LMCD1: variants seen among roughly 807,000 people sequenced by gnomAD.
LMCD1 encodes LIM and cysteine-rich domains protein 1.
Under a neutral mutation model 42.7 loss-of-function variants are expected in LMCD1, and 32 were observed. The observed-to-expected ratio is 0.75, with a 90% confidence interval of 0.57 to 1.01. The LOEUF (loss-of-function observed/expected upper bound fraction) is 1.01, where lower values mean the gene tolerates loss of function less well. Ranked by LOEUF, LMCD1 falls within the 50% of genes least tolerant of loss-of-function variation. The pLI, the probability that LMCD1 is intolerant of heterozygous loss-of-function variation, is 0.00. For synonymous variants in LMCD1, 178 were observed against 184.9 expected, an observed-to-expected ratio of 0.96 and a Z score of 0.30; for missense variants, 458 against 483.1, an observed-to-expected ratio of 0.95 and a Z score of 0.49.
chr3:8,522,096 T>C (rs1302808576), intron 1 of LMCD1, among the ~76,000 whole-genome samples: 5 of 152,090 alleles, frequency 3.3e-5, no homozygotes, highest in African/African-American at 7.2e-5. Flanking sequence ...CAGAGATGGG[T>C]TGGGGGGAGG....
chr3:8,562,163 G>T (rs376623419), intron 4 of LMCD1, among the ~76,000 whole-genome samples: 7 of 152,246 alleles, frequency 4.6e-5, no homozygotes, highest in African/African-American at 1.4e-4. Context: ...ATGAGTTGAG[G>T]TCCACCTTGT....
intron 3 of LMCD1, among the ~76,000 whole-genome samples, chr3:8,545,984 G>A (rs116721370): frequency 0.061 from 9,280 of 152,168 alleles, 368 homozygotes; most frequent in South Asian, 0.19. Context: ...AAAATTAGCC[G>A]GGTGTAATGG....
At chr3:8,565,930 G>A in intron 5 of LMCD1, among the ~76,000 whole-genome samples, 1 of 152,202 alleles carries the variant, frequency 6.6e-6, no homozygotes, top group African/African-American at 2.4e-5. Context: ...GATGAACCAG[G>A]AGGCATTGCC....
intron 1 of LMCD1, among the ~76,000 whole-genome samples, chr3:8,516,698 C>T (rs1226410265): frequency 6.6e-6 from 1 of 152,150 alleles, no homozygotes; most frequent in Admixed American, 6.5e-5. Context: ...TAGGTCTATT[C>T]AAAGTTTTGC....
At position 8,571,508 on chromosome 3, in the gene LMCD1, T is replaced by G. The variant is rs1695219186; in HGVS notation, c.*3910T>G. On this transcript the variant is annotated 3_prime_UTR_variant, in exon 6 of 6. Coordinates refer to ENST00000157600, the MANE Select transcript of LMCD1 (RefSeq NM_014583.4). ...AGTGGGTGGAGAGGGTGAGTTCCTGTCAGGGAGACTTGTCAGTCTGAGCAG... is the reference window on the plus strand; with the variant it reads ...AGTGGGTGGAGAGGGTGAGTTCCTGGCAGGGAGACTTGTCAGTCTGAGCAG... 1 of 152,210 alleles carries G rather than the reference T, an allele frequency of 6.6e-6. No homozygotes were observed. Among genetic ancestry groups the G allele is most frequent in the Admixed American group, 6.5e-5 (1 of 15,280 alleles). The allele number at this position is 152,210 out of a possible 1,614,324, so 9.4% of individuals were successfully genotyped here.
intron 4 of LMCD1, among the ~76,000 whole-genome samples, chr3:8,549,195 G>C (rs1390071568): frequency 6.6e-6 from 1 of 152,190 alleles, no homozygotes; most frequent in Non-Finnish European, 1.5e-5. Flanking sequence ...GCTTCAAGAA[G>C]TTGGTGAGGT....
Position 8,570,476 on chromosome 3 carries a change from C to G in LMCD1, c.*2878C>G, listed in dbSNP as rs1695195770. The G allele has an allele frequency of 6.6e-6, 1 of 152,462 alleles. No homozygotes were observed. Among genetic ancestry groups the G allele is most frequent in the South Asian group, 2.1e-4 (1 of 4,818 alleles). 9.4% of individuals were successfully genotyped at this position (152,462 alleles called of 1,614,324 possible). On this transcript the variant is annotated 3_prime_UTR_variant, in exon 6 of 6. Transcript: ENST00000157600. ...CCATGGGGCACCACCCAGCACCTGCCCCTGCCTTTCTCATGTCTATTAATG... is the reference window on the plus strand; with the variant it reads ...CCATGGGGCACCACCCAGCACCTGCGCCTGCCTTTCTCATGTCTATTAATG...
Position 8,565,572 on chromosome 3 carries a change from CTGGAA to C in LMCD1, c.865_869del (p.Trp289GlyfsTer23). 1 of 1,613,932 alleles carries C rather than the reference CTGGAA, an allele frequency of 6.2e-7. No individual in the cohort carries two copies. The highest frequency in any genetic ancestry group is 8.5e-7 in the Non-Finnish European group (1 of 1,179,954). ...AGCCGCTGGTGGACCTCATCTACTT[CTGGAA>C]GGATGGTGCACCCTGGTGCGGCCGC... On this transcript the variant is annotated frameshift_variant, in exon 5 of 6. Transcript: ENST00000157600. LOFTEE classifies it high-confidence loss of function.
At chr3:8,543,440 T>TAGATAGACAGAC (rs1414608408) in intron 3 of LMCD1, among the ~76,000 whole-genome samples, 63 of 134,250 alleles carry the variant, frequency 4.7e-4, no homozygotes, top group Middle Eastern at 7.8e-3. Flanking sequence ...GATAGATAGA[T>TAGATAGACAGAC]AGACAGACAG....
intron 4 of LMCD1, among the ~76,000 whole-genome samples, chr3:8,559,125 G>A (rs1024422292): frequency 4.6e-5 from 7 of 152,094 alleles, no homozygotes; most frequent in East Asian, 1.9e-4. Context: ...AAACTCACAC[G>A]ACTCGATTCT....
chr3:8,539,015 C>T (rs1694566152), intron 3 of LMCD1, among the ~76,000 whole-genome samples: 1 of 152,210 alleles, frequency 6.6e-6, no homozygotes, highest in Non-Finnish European at 1.5e-5. Flanking sequence ...AGCAATTTGA[C>T]ATGCAACTGT....
At chr3:8,525,136 C>T (rs1250516578) in intron 1 of LMCD1, among the ~76,000 whole-genome samples, 1 of 152,204 alleles carries the variant, frequency 6.6e-6, no homozygotes, top group African/African-American at 2.4e-5. Flanking sequence ...ATTAGATCTC[C>T]AGAACTTACT....
intron 1 of LMCD1, among the ~76,000 whole-genome samples, chr3:8,503,856 A>G (rs1693820231): frequency 6.6e-6 from 1 of 152,248 alleles, no homozygotes; most frequent in Non-Finnish European, 1.5e-5. Flanking sequence ...GCTGGTTGAT[A>G]GTTACTGTAT....
rs566938580 is a variant in LMCD1 at position 8,553,195 on chromosome 3, C to G, written c.723+4292C>G. ...ATCTGAGGCCAGGGCCCCACTTTCC[C>G]CTACACCCACCCCCCGACACACACA... On this transcript the variant is annotated intron_variant, in intron 4 of 5. Coordinates refer to ENST00000157600, the MANE Select transcript of LMCD1 (RefSeq NM_014583.4). Among the ~76,000 whole-genome samples the G allele has an allele frequency of 5.9e-5, 9 of 152,242 alleles. No individual in the cohort carries two copies. In the South Asian group the frequency reaches 1.9e-3, roughly 32 times the overall value.
chr3:8,544,951 C>G (rs1694706075), intron 3 of LMCD1, among the ~76,000 whole-genome samples: 2 of 152,160 alleles, frequency 1.3e-5, no homozygotes, highest in Non-Finnish European at 2.9e-5. Context: ...CCCTAATCTC[C>G]CCGTCCCTGG....
chr3:8,549,390 G>T (rs1435615158), intron 4 of LMCD1, among the ~76,000 whole-genome samples: 1 of 152,110 alleles, frequency 6.6e-6, no homozygotes, highest in Non-Finnish European at 1.5e-5. Flanking sequence ...GGGGAGCTGG[G>T]GACATGAGGC....
intron 1 of LMCD1, among the ~76,000 whole-genome samples, chr3:8,531,430 C>A (rs561775649): frequency 1.3e-5 from 2 of 152,272 alleles, no homozygotes; most frequent in South Asian, 2.1e-4. Context: ...CTTCTAAAAT[C>A]TGTGGCAAAA....
intron 4 of LMCD1, among the ~76,000 whole-genome samples, chr3:8,551,559 C>G (rs1008037732): frequency 6.6e-6 from 1 of 152,202 alleles, no homozygotes. Context: ...TGATAAGATG[C>G]TAAGTTGTAA....
At chr3:8,563,021 C>T (rs1381507150) in intron 4 of LMCD1, among the ~76,000 whole-genome samples, 2 of 152,218 alleles carry the variant, frequency 1.3e-5, no homozygotes, top group Non-Finnish European at 2.9e-5. Context: ...ACAGATGCAT[C>T]ATCTGCTAGT....
Sources: allele counts gnomAD v4.1 joint callset (sites outside exome capture counted in the v4.1 genomes callset), GRCh38; gene constraint gnomAD v4.1.1; transcripts MANE v1.5; gene names NCBI Gene and HGNC (gene_info 2026-07-23, HGNC 2026-07-21).